PRPSAP2: variants seen among roughly 807,000 people sequenced by gnomAD.
PRPSAP2 encodes the protein phosphoribosyl pyrophosphate synthetase associated protein 2.
A neutral mutation model predicts 40.6 loss-of-function variants in PRPSAP2; 24 were observed. The observed-to-expected ratio is 0.59, with a 90% CI of 0.43 to 0.83. PRPSAP2 has a LOEUF of 0.83. PRPSAP2 is among the 40% of genes least tolerant of loss of function. The probability of loss-of-function intolerance (pLI) is 0.00; values close to 1 mark genes in which losing one functional copy is unlikely to be tolerated. For missense variants in PRPSAP2, 292 were observed against 465.6 expected, an observed-to-expected ratio of 0.63 and a Z score of 3.43; for synonymous variants, 149 against 164.7, an observed-to-expected ratio of 0.90 and a Z score of 0.73.
At chr17:18,870,553 A>G (rs141432108) in intron 4 of PRPSAP2, among the ~76,000 whole-genome samples, 2 of 152,258 alleles carry the variant, frequency 1.3e-5, no homozygotes, top group African/African-American at 4.8e-5. Context: ...CACACCTGTA[A>G]TCCCAGCACT....
intron 8 of PRPSAP2, among the ~76,000 whole-genome samples, chr17:18,891,060 A>G (rs1253307696): frequency 6.6e-6 from 1 of 152,248 alleles, no homozygotes; most frequent in Non-Finnish European, 1.5e-5. Flanking sequence ...ACTTGTAGGA[A>G]TAAAGCCTTT....
intron 7 of PRPSAP2, among the ~76,000 whole-genome samples, chr17:18,883,121 C>G (rs879906193): frequency 6.6e-6 from 1 of 152,164 alleles, no homozygotes; most frequent in Non-Finnish European, 1.5e-5. Flanking sequence ...TCCTATCCCC[C>G]TGCCTCCTTC....
At chr17:18,867,401 C>A in intron 4 of PRPSAP2, 67 bp downstream of exon 4, 1 of 1,523,440 alleles carries the variant, frequency 6.6e-7, no homozygotes, top group Middle Eastern at 1.7e-4. Flanking sequence ...CTCCGTCCTT[C>A]ATCCTTTACT....
chr17:18,902,244 A>C (rs546447047), intron 8 of PRPSAP2, among the ~76,000 whole-genome samples: 61 of 152,242 alleles, frequency 4.0e-4, no homozygotes, highest in Non-Finnish European at 7.4e-4. Context: ...CCTTTTGCTC[A>C]GTTTCTTTGG....
intron 9 of PRPSAP2, among the ~76,000 whole-genome samples, chr17:18,922,319 C>T (rs998490175): frequency 6.6e-6 from 1 of 152,166 alleles, no homozygotes; most frequent in African/African-American, 2.4e-5. Context: ...GGAATTGCTG[C>T]GTCACTTGGT....
In PRPSAP2 at chr17:18,866,652, C is replaced by G. The variant is rs2037454924; in HGVS notation, c.120-630C>G. On this transcript the variant is annotated intron_variant, in intron 3 of 11. Coordinates refer to ENST00000268835, the MANE Select transcript of PRPSAP2 (RefSeq NM_002767.4). Reference sequence around the variant, plus strand: ...TATTTATTAAACAAATATTGTACCCCTACTACTGTGTACTAGACCTTGATC... The same window carrying G: ...TATTTATTAAACAAATATTGTACCCGTACTACTGTGTACTAGACCTTGATC... Among the ~76,000 whole-genome samples, 4 of 152,118 alleles carry G rather than the reference C, an allele frequency of 2.6e-5. No individual in the cohort carries two copies. In the South Asian group the frequency reaches 8.3e-4, roughly 31 times the overall value.
At chr17:18,902,985 C>CAGG (rs966468216) in intron 8 of PRPSAP2, among the ~76,000 whole-genome samples, 2 of 151,858 alleles carry the variant, frequency 1.3e-5, no homozygotes, top group Non-Finnish European at 2.9e-5. Context: ...GTGACCAGTG[C>CAGG]AGGCAGGGCT....
At chr17:18,856,935 A>G (rs1026139026), upstream of PRPSAP2, among the ~76,000 whole-genome samples, 4 of 152,234 alleles carry the variant, frequency 2.6e-5, no homozygotes, top group Non-Finnish European at 5.9e-5. Flanking sequence ...TACATACAAT[A>G]AAGAGTAAAC....
chr17:18,900,008 T>G (rs1249274298), intron 8 of PRPSAP2, among the ~76,000 whole-genome samples: 1 of 152,220 alleles, frequency 6.6e-6, no homozygotes, highest in African/African-American at 2.4e-5. Context: ...TGCCTCAGCC[T>G]CCTGAGGAGC....
At chr17:18,914,089 A>T (rs1338633384) in intron 9 of PRPSAP2, among the ~76,000 whole-genome samples, 2 of 151,252 alleles carry the variant, frequency 1.3e-5, no homozygotes, top group African/African-American at 4.9e-5. Context: ...CAGGAGAATC[A>T]CTTGAACCAG....
chr17:18,881,547 ATT>A lies in PRPSAP2; in HGVS notation c.413-1015_413-1014del, dbSNP rs574169611. Among the ~76,000 whole-genome samples, 309 of 150,350 alleles carry A rather than the reference ATT, an allele frequency of 2.1e-3. 3 individuals carry two copies. Among genetic ancestry groups the A allele is most frequent in the Middle Eastern group, 0.01 (3 of 294 alleles). The stretch of plus-strand genomic sequence containing the variant: ...GCCACCGTGTCCGGCCTTATTTTTT[ATT>A]TTTTTGAGGCAAGATCTCACTCTGT... On this transcript the variant is annotated intron_variant, in intron 6 of 11. Transcript: ENST00000268835.
chr17:18,865,358 C>T (rs1239507358), intron 1 of PRPSAP2, 111 bp from the exon 2 acceptor site: 1 of 152,158 alleles, frequency 6.6e-6, no homozygotes, highest in Non-Finnish European at 1.5e-5. Context: ...TTATGGTAAA[C>T]AAGGATTACA....
intron 8 of PRPSAP2, among the ~76,000 whole-genome samples, chr17:18,897,701 A>G (rs1384996158): frequency 6.6e-6 from 1 of 152,122 alleles, no homozygotes; most frequent in African/African-American, 2.4e-5. Context: ...GACCTCAGGT[A>G]ATCTGCCTGC....
chr17:18,873,132 G>A (rs970365669), intron 5 of PRPSAP2, among the ~76,000 whole-genome samples: 5 of 149,132 alleles, frequency 3.4e-5, no homozygotes, highest in African/African-American at 5.1e-5. Context: ...ATGAGCCACC[G>A]TGTCCAGCCA....
intron 8 of PRPSAP2, among the ~76,000 whole-genome samples, chr17:18,901,596 T>G (rs2040272870): frequency 6.6e-6 from 1 of 152,146 alleles, no homozygotes; most frequent in Non-Finnish European, 1.5e-5. Context: ...AAGGATGGTC[T>G]CTATCTCCTG....
At chr17:18,929,214 G>A (rs1297592749) in intron 11 of PRPSAP2, among the ~76,000 whole-genome samples, 7 of 151,918 alleles carry the variant, frequency 4.6e-5, no homozygotes, top group African/African-American at 9.7e-5. Flanking sequence ...AAAATTAGCC[G>A]GGCGTGGTGG....
chr17:18,881,678 C>G (rs1241283202), intron 6 of PRPSAP2, among the ~76,000 whole-genome samples: 1 of 147,362 alleles, frequency 6.8e-6, no homozygotes, highest in African/African-American at 2.5e-5. Flanking sequence ...TCTGGGACTA[C>G]AGATGTGCGC....
At chr17:18,859,949 T>A (rs2036879846) in intron 1 of PRPSAP2, among the ~76,000 whole-genome samples, 1 of 152,128 alleles carries the variant, frequency 6.6e-6, no homozygotes. Flanking sequence ...TGTCACCACG[T>A]TTGTCAGGTT....
At chr17:18,899,519 GTTTTTTT>G (rs574203117) in intron 8 of PRPSAP2, among the ~76,000 whole-genome samples, 1 of 60,554 alleles carries the variant, frequency 1.7e-5, no homozygotes, top group African/African-American at 6.8e-5. Context: ...ATCCAACTGA[GTTTTTTT>G]TTTTTTTTTT....
Sources: gnomAD v4.1 joint callset for allele counts (sites outside exome capture counted in the v4.1 genomes callset) on GRCh38, gnomAD v4.1.1 for gene constraint, MANE v1.5 for transcripts, NCBI Gene and HGNC (gene_info 2026-07-23, HGNC 2026-07-21) for gene names.